The following PTPRD variants were observed in gnomAD, a reference collection of about 807,000 sequenced individuals.
PTPRD encodes receptor-type tyrosine-protein phosphatase delta.
Under a neutral mutation model 214.5 loss-of-function variants are expected in PTPRD, and 34 were observed. That is an observed-to-expected ratio of 0.16 (90% CI 0.12 to 0.21). The LOEUF is 0.21. Among genes scored for constraint, PTPRD ranks in the 10% least tolerant of loss-of-function variants. PTPRD has a pLI of 1.00. For synonymous variants in PTPRD, 1,128 were observed against 845.7 expected, an observed-to-expected ratio of 1.33 and a Z score of -5.79; for missense variants, 2,545 against 2,398.7, an observed-to-expected ratio of 1.06 and a Z score of -1.27.
intron 3 of PTPRD, among the ~76,000 whole-genome samples, chr9:10,317,921 T>G (rs919751530): frequency 6.6e-6 from 1 of 152,092 alleles, no homozygotes; most frequent in Non-Finnish European, 1.5e-5. Flanking sequence ...TTCACTTCTC[T>G]AATTTTCACA....
At chr9:9,215,844 A>T (rs565269904) in intron 9 of PTPRD, among the ~76,000 whole-genome samples, 1 of 152,330 alleles carries the variant, frequency 6.6e-6, no homozygotes, top group South Asian at 2.1e-4. Context: ...CACAACAGTA[A>T]AATAGTACAG....
Position 9,379,406 on chromosome 9 carries a change from T to C in PTPRD, c.-203+18043A>G, listed in dbSNP as rs190544317. ...ATAAAATTGATCTACTTTCCTATTCTTCGTCCAATACCATGCAGTCTCGAT... is the reference window on the plus strand; with the variant it reads ...ATAAAATTGATCTACTTTCCTATTCCTCGTCCAATACCATGCAGTCTCGAT... On this transcript the variant is annotated intron_variant, in intron 9 of 45. Transcript: ENST00000381196. 2.9e-3 allele frequency among the ~76,000 whole-genome samples: 435 copies of C among 151,896 alleles called. 1 individual carries two copies. The highest frequency in any genetic ancestry group is 0.01 in the African/African-American group (421 of 41,522).
chr9:8,894,426 G>A (rs984990805), intron 11 of PTPRD, among the ~76,000 whole-genome samples: 1 of 145,334 alleles, frequency 6.9e-6, no homozygotes, highest in Non-Finnish European at 1.5e-5. Flanking sequence ...TATAAGGTTG[G>A]GCAAATGAAA....
intron 5 of PTPRD, among the ~76,000 whole-genome samples, chr9:9,860,226 C>A (rs1329611271): frequency 1.3e-5 from 2 of 152,158 alleles, no homozygotes; most frequent in Non-Finnish European, 2.9e-5. Context: ...TTATTTTTTA[C>A]TGTGGAGTCA....
At chr9:9,732,912 C>A (rs375644106) in intron 7 of PTPRD, among the ~76,000 whole-genome samples, 10 of 148,128 alleles carry the variant, frequency 6.8e-5, no homozygotes, top group South Asian at 2.2e-4. Flanking sequence ...ACCTTGTTTC[C>A]AAAAAAAAAA....
rs2154328465 is a variant in PTPRD, at chr9:8,636,842, G to A, written c.67C>T (p.Pro23Ser). ...ACGGGTGTTCGTGTAAACCTTGGAGGTGCTGAAATAAAAAATAAACATCAC... is the reference window on the plus strand; with the variant it reads ...ACGGGTGTTCGTGTAAACCTTGGAGATGCTGAAATAAAAAATAAACATCAC... ...TFFLRTDAET[P>S]PRFTRTPVDQ... is the part of the protein sequence containing the mutation. Residue 23 changes from proline (P) to serine (S), a missense_variant and splice_region_variant, in exon 13 of 46, where the codon CCT (proline) becomes TCT (serine). Pro to Ser is a moderately conservative substitution (Grantham distance 74). Transcript: ENST00000381196. 1.2e-6 allele frequency: 2 copies of A among 1,611,722 alleles called. No individual in the cohort carries two copies. Among genetic ancestry groups the A allele is most frequent in the East Asian group, 2.2e-5 (1 of 44,800 alleles).
chr9:9,457,692 C>G (rs1198681306), intron 8 of PTPRD, among the ~76,000 whole-genome samples: 1 of 152,018 alleles, frequency 6.6e-6, no homozygotes, highest in Non-Finnish European at 1.5e-5. Context: ...ATATTTAACT[C>G]TAATATGCAA....
chr9:9,874,421 G>T (rs940486309), intron 5 of PTPRD, among the ~76,000 whole-genome samples: 2 of 152,052 alleles, frequency 1.3e-5, no homozygotes, highest in Admixed American at 6.6e-5. Flanking sequence ...ATTTGGGTCA[G>T]AAAGAAAGGA....
intron 3 of PTPRD, among the ~76,000 whole-genome samples, chr9:10,228,483 T>C (rs1261811914): frequency 6.6e-6 from 1 of 151,926 alleles, no homozygotes; most frequent in Non-Finnish European, 1.5e-5. Flanking sequence ...CTAAGAACTA[T>C]AATTAGCTCT....
At chr9:8,713,484 A>G (rs2098389864) in intron 12 of PTPRD, 8 of 1,125,714 alleles carry the variant, frequency 7.1e-6, no homozygotes, top group Non-Finnish European at 1.1e-5. Context: ...AGAAGTCTTC[A>G]GGGGAGACTG....
intron 8 of PTPRD, among the ~76,000 whole-genome samples, chr9:9,424,646 A>C (rs1402864583): frequency 6.6e-6 from 1 of 152,194 alleles, no homozygotes; most frequent in East Asian, 1.9e-4. Context: ...AACTAAAATC[A>C]AAATTAATTA....
intron 2 of PTPRD, among the ~76,000 whole-genome samples, chr9:10,346,797 T>G (rs2097092012): frequency 1.3e-5 from 2 of 152,202 alleles, no homozygotes; most frequent in African/African-American, 4.8e-5. Flanking sequence ...GGTGTGGGTC[T>G]GAAAGCAAGA....
chr9:8,784,515 G>C (rs1352511003), intron 11 of PTPRD, among the ~76,000 whole-genome samples: 1 of 152,132 alleles, frequency 6.6e-6, no homozygotes, highest in African/African-American at 2.4e-5. Context: ...GAAAGACAAG[G>C]CTACATAAAG....
chr9:8,626,608 G>A (rs1248197135), intron 14 of PTPRD, among the ~76,000 whole-genome samples: 1 of 151,788 alleles, frequency 6.6e-6, no homozygotes, highest in South Asian at 2.1e-4. Context: ...AAAGCAGATT[G>A]CCCTCCCTAA....
At chr9:10,238,661 T>G (rs185311713) in intron 3 of PTPRD, among the ~76,000 whole-genome samples, 1 of 152,072 alleles carries the variant, frequency 6.6e-6, no homozygotes, top group African/African-American at 2.4e-5. Flanking sequence ...TTCATGGGAT[T>G]AATATGCAGA....
intron 9 of PTPRD, among the ~76,000 whole-genome samples, chr9:9,385,418 T>G (rs372554593): frequency 6.6e-6 from 1 of 152,160 alleles, no homozygotes; most frequent in Non-Finnish European, 1.5e-5. Context: ...CTAGACAATC[T>G]TTCACAAGGA....
At chr9:9,858,130 G>A (rs1471521430) in intron 5 of PTPRD, among the ~76,000 whole-genome samples, 28 of 152,150 alleles carry the variant, frequency 1.8e-4, no homozygotes, top group Admixed American at 1.8e-3. Flanking sequence ...TGAATAGAGA[G>A]CCACAGGCCC....
chr9:9,419,559 G>A (rs944065725), intron 8 of PTPRD, among the ~76,000 whole-genome samples: 1 of 151,668 alleles, frequency 6.6e-6, no homozygotes, highest in Admixed American at 6.6e-5. Context: ...TTTAAGAAAA[G>A]CCCCAATATG....
At chr9:10,295,875 C>T (rs2095659050) in intron 3 of PTPRD, among the ~76,000 whole-genome samples, 1 of 151,984 alleles carries the variant, frequency 6.6e-6, no homozygotes, top group Non-Finnish European at 1.5e-5. Flanking sequence ...CTTTCTGTAC[C>T]TTTGCTACTT....
Sources: gnomAD v4.1 joint callset for allele counts (sites outside exome capture counted in the v4.1 genomes callset) on GRCh38, gnomAD v4.1.1 for gene constraint, MANE v1.5 for transcripts, NCBI Gene and HGNC (gene_info 2026-07-23, HGNC 2026-07-21) for gene names.